The following SAMSN1 variants were observed in gnomAD, a reference collection of about 807,000 sequenced individuals.
SAMSN1 encodes SAM domain-containing protein SAMSN-1.
Under a neutral mutation model 42.0 loss-of-function variants are expected in SAMSN1, and 31 were observed. That is an observed-to-expected ratio of 0.74 (90% CI 0.55 to 1.00). The LOEUF is 1.00. SAMSN1 is among the 50% of genes least tolerant of loss of function. The pLI, the probability that SAMSN1 is intolerant of heterozygous loss-of-function variation, is 0.00. For synonymous variants in SAMSN1, 178 were observed against 151.9 expected, an observed-to-expected ratio of 1.17 and a Z score of -1.26; for missense variants, 464 against 439.4, an observed-to-expected ratio of 1.06 and a Z score of -0.50.
At chr21:14,638,165 G>T (rs894812592) in intron 2 of SAMSN1, among the ~76,000 whole-genome samples, 2 of 152,176 alleles carry the variant, frequency 1.3e-5, no homozygotes, top group Non-Finnish European at 2.9e-5. Context: ...ACGAATCCTT[G>T]TGAAATTTGG....
At chr21:14,620,775 T>C (rs909328049) in intron 2 of SAMSN1, among the ~76,000 whole-genome samples, 3 of 152,230 alleles carry the variant, frequency 2.0e-5, no homozygotes, top group Non-Finnish European at 4.4e-5. Flanking sequence ...TACATATAGA[T>C]GACATTTCTT....
intron 2 of SAMSN1, among the ~76,000 whole-genome samples, chr21:14,639,132 C>T (rs571158146): frequency 6.6e-6 from 1 of 152,220 alleles, no homozygotes. Flanking sequence ...TTGCTTACTT[C>T]AGTCAATATA....
At chr21:14,563,313 A>G (rs116543371) in intron 2 of SAMSN1, among the ~76,000 whole-genome samples, 148 of 152,330 alleles carry the variant, frequency 9.7e-4, no homozygotes, top group African/African-American at 3.4e-3. Flanking sequence ...CATAGCCAAA[A>G]ATGTAAAGTA....
At chr21:14,583,649 C>T (rs980538813), upstream of SAMSN1, 2 of 717,108 alleles carry the variant, frequency 2.8e-6, no homozygotes, top group Non-Finnish European at 5.2e-6. Flanking sequence ...TTCTTACTTA[C>T]GGAGGTTTAT....
exon 2 of SAMSN1, chr21:14,643,046 G>A (rs1983632211): frequency 1.4e-6 from 1 of 717,144 alleles, no homozygotes; most frequent in South Asian, 1.5e-5. Flanking sequence ...CCAAAGGGTG[G>A]GATAGGAGAA....
At chr21:14,632,380 G>A (rs887643377) in intron 2 of SAMSN1, among the ~76,000 whole-genome samples, 2 of 151,946 alleles carry the variant, frequency 1.3e-5, no homozygotes, top group African/African-American at 4.8e-5. Context: ...ACCCTGATCA[G>A]TATCTTGTCA....
At chr21:14,573,747 T>C (rs1196123328) in intron 2 of SAMSN1, among the ~76,000 whole-genome samples, 1 of 152,174 alleles carries the variant, frequency 6.6e-6, no homozygotes, top group Non-Finnish European at 1.5e-5. Flanking sequence ...TTAAAAATCA[T>C]TGACATTCTC....
At chr21:14,642,166 T>TA (rs1311490196) in intron 2 of SAMSN1, among the ~76,000 whole-genome samples, 3 of 152,148 alleles carry the variant, frequency 2.0e-5, no homozygotes, top group Non-Finnish European at 1.5e-5. Context: ...AATCTGTGTA[T>TA]AAGTGGACCT....
chr21:14,626,477 A>G (rs1296696264), intron 2 of SAMSN1, among the ~76,000 whole-genome samples: 3 of 152,256 alleles, frequency 2.0e-5, no homozygotes, highest in Non-Finnish European at 1.5e-5. Context: ...AAGGATATGA[A>G]CAGACACTTC....
chr21:14,646,175 C>A lies in SAMSN1; in HGVS notation c.25-3042G>T, dbSNP rs185638442. On this transcript the variant is annotated intron_variant, in intron 1 of 15. Coordinates refer to the SAMSN1 transcript ENST00000647101. ...AGCCAAGTACAAGAAGGTTATAGAA[C>A]ACCAAGCAGATTTAACCCTAGGAAG... Among the ~76,000 whole-genome samples, 113 of 152,196 alleles carry A rather than the reference C, an allele frequency of 7.4e-4. 1 individual carries two copies. Among genetic ancestry groups the A allele is most frequent in the African/African-American group, 2.6e-3 (109 of 41,538 alleles).
intron 3 of SAMSN1, among the ~76,000 whole-genome samples, chr21:14,614,073 A>G (rs1424915666): frequency 6.6e-6 from 1 of 152,162 alleles, no homozygotes; most frequent in Non-Finnish European, 1.5e-5. Context: ...ATTTAAATAA[A>G]CCAACTCTGA....
chr21:14,632,752 G>C (rs1422369973), intron 2 of SAMSN1, among the ~76,000 whole-genome samples: 1 of 152,144 alleles, frequency 6.6e-6, no homozygotes, highest in Non-Finnish European at 1.5e-5. Flanking sequence ...AAAGGTTTAA[G>C]GTTTCATCTG....
Position 14,510,253 on chromosome 21 carries a change from A to C in SAMSN1, c.561+57T>G, listed in dbSNP as rs1056688984. ...CCACTGCTTATACTTGCTGAAACAG[A>C]TCATATAATCAGCATTTGACAGACC... On this transcript the variant is annotated intron_variant, in intron 5 of 7. Transcript: ENST00000400566. 4 of 1,531,556 alleles carry C rather than the reference A, an allele frequency of 2.6e-6. No homozygotes were observed. The Admixed American group carries it at 6.7e-5, about 26-fold the overall frequency. The allele number at this position is 1,531,556 out of a possible 1,614,324, so 94.9% of individuals were successfully genotyped here. A position where few individuals can be genotyped will look rare whatever the true frequency, so the allele number is the denominator to read the frequency against.
chr21:14,516,382 G>A (rs1987918451), intron 3 of SAMSN1, among the ~76,000 whole-genome samples: 1 of 152,024 alleles, frequency 6.6e-6, no homozygotes, highest in South Asian at 2.1e-4. Context: ...CATTCTAGAT[G>A]CATGATCTTT....
intron 3 of SAMSN1, among the ~76,000 whole-genome samples, chr21:14,614,600 C>T (rs546496699): frequency 5.9e-5 from 9 of 152,264 alleles, no homozygotes; most frequent in Admixed American, 1.3e-4. Context: ...TAAATTAAAA[C>T]GAAGGTGACC....
chr21:14,535,856 T>C (rs1979577568), intron 1 of SAMSN1, among the ~76,000 whole-genome samples: 2 of 152,088 alleles, frequency 1.3e-5, no homozygotes, highest in African/African-American at 4.8e-5. Context: ...CCTCCAGAAG[T>C]GTGAGAAAGT....
At chr21:14,606,807 T>A (rs113274652) in intron 5 of SAMSN1, among the ~76,000 whole-genome samples, 5 of 152,322 alleles carry the variant, frequency 3.3e-5, no homozygotes, top group African/African-American at 1.2e-4. Flanking sequence ...ATATTTTGCA[T>A]CTGGAACTCA....
intron 7 of SAMSN1, chr21:14,593,851 T>C (rs1568823717): frequency 1.2e-5 from 5 of 426,792 alleles, no homozygotes; most frequent in Non-Finnish European, 2.1e-5. Context: ...AACCACTCAG[T>C]AAGGACAAGC....
At chr21:14,652,210 C>T (rs965594783) in intron 1 of SAMSN1, among the ~76,000 whole-genome samples, 4 of 151,816 alleles carry the variant, frequency 2.6e-5, no homozygotes, top group South Asian at 2.1e-4. Context: ...TATATGGGAC[C>T]ACAAAAGACA....
Sources: allele counts gnomAD v4.1 joint callset (sites outside exome capture counted in the v4.1 genomes callset), GRCh38; gene constraint gnomAD v4.1.1; transcripts MANE v1.5; gene names NCBI Gene and HGNC (gene_info 2026-07-23, HGNC 2026-07-21).